Variants in CNTN5 observed in about 807,000 individuals in gnomAD.
CNTN5 encodes contactin 5.
CNTN5 carries 77 observed loss-of-function variants against 129.1 expected under a neutral mutation model. The observed-to-expected ratio is 0.60, with a 90% CI of 0.50 to 0.72. The LOEUF is 0.72. CNTN5 is among the 30% of genes least tolerant of loss of function. The pLI, the probability that CNTN5 is intolerant of heterozygous loss-of-function variation, is 0.00. For synonymous variants in CNTN5, 509 were observed against 465.6 expected (o/e 1.09, Z -1.20); for missense variants, 1,478 against 1,328.8 (o/e 1.11, Z -1.75).
intron 21 of CNTN5, among the ~76,000 whole-genome samples, chr11:100,314,710 T>C (rs1178213567): frequency 6.6e-6 from 1 of 152,126 alleles, no homozygotes; most frequent in Non-Finnish European, 1.5e-5. Flanking sequence ...TTAAGGGCAG[T>C]AAAGGCCTTA....
At chr11:99,277,995 T>C (rs1863522760) in intron 1 of CNTN5, among the ~76,000 whole-genome samples, 1 of 151,726 alleles carries the variant, frequency 6.6e-6, no homozygotes, top group African/African-American at 2.4e-5. Context: ...AGGTATAGAC[T>C]GGAGCACGGG....
intron 1 of CNTN5, among the ~76,000 whole-genome samples, chr11:99,065,523 C>T (rs923879555): frequency 1.3e-5 from 2 of 152,144 alleles, no homozygotes; most frequent in Admixed American, 6.5e-5. Flanking sequence ...CCATCTTTAT[C>T]TGCAATAAAA....
At position 100,336,290 on chromosome 11, in the gene CNTN5, T is replaced by C. The variant is rs1385007411; in HGVS notation, c.2731-4173T>C. ...GGCAGCATTTTAATTAAAGGAGCAA[T>C]ATGAATATTTGCACGGCAGCATTTT... On this transcript the variant is annotated intron_variant, in intron 21 of 24. Coordinates refer to ENST00000524871, the MANE Select transcript of CNTN5 (RefSeq NM_014361.4). Among the ~76,000 whole-genome samples the C allele has an allele frequency of 1.3e-4, 20 of 152,178 alleles. 1 individual carries two copies. Among genetic ancestry groups the C allele is most frequent in the Admixed American group, 7.2e-4 (11 of 15,262 alleles).
chr11:100,247,960 T>C (rs971267657), intron 16 of CNTN5, among the ~76,000 whole-genome samples: 1 of 152,108 alleles, frequency 6.6e-6, no homozygotes, highest in African/African-American at 2.4e-5. Flanking sequence ...ATTAATCTAA[T>C]CTTCCAGACA....
At chr11:99,945,641 T>A (rs1950539411) in intron 7 of CNTN5, among the ~76,000 whole-genome samples, 1 of 152,058 alleles carries the variant, frequency 6.6e-6, no homozygotes, top group Non-Finnish European at 1.5e-5. Context: ...TTATTATCAT[T>A]TCATAGATGA....
chr11:100,338,832 C>T (rs1261548045), intron 21 of CNTN5, among the ~76,000 whole-genome samples: 1 of 151,730 alleles, frequency 6.6e-6, no homozygotes, highest in Non-Finnish European at 1.5e-5. Context: ...GGAATGTTAA[C>T]AGTGCTCTCT....
At chr11:100,248,188 CA>C (rs781185170) in intron 16 of CNTN5, among the ~76,000 whole-genome samples, 5 of 152,078 alleles carry the variant, frequency 3.3e-5, no homozygotes, top group Non-Finnish European at 7.4e-5. Flanking sequence ...TGATTTAAAA[CA>C]AAGACCTGTT....
At chr11:99,373,384 A>G (rs1284266429) in intron 2 of CNTN5, among the ~76,000 whole-genome samples, 1 of 151,936 alleles carries the variant, frequency 6.6e-6, no homozygotes. Flanking sequence ...CCCATATCCT[A>G]TGCTCCATCT....
At chr11:99,930,248 A>T (rs1353201981) in intron 7 of CNTN5, among the ~76,000 whole-genome samples, 1 of 152,140 alleles carries the variant, frequency 6.6e-6, no homozygotes, top group Non-Finnish European at 1.5e-5. Context: ...CTTACTGCAT[A>T]TGCCTGAATA....
chr11:100,149,556 T>C (rs1032385770), intron 13 of CNTN5, among the ~76,000 whole-genome samples: 2 of 152,164 alleles, frequency 1.3e-5, no homozygotes, highest in Admixed American at 6.5e-5. Flanking sequence ...AAATAAAATA[T>C]ACATTTGGGT....
At chr11:100,046,546 A>G (rs1942686692) in intron 9 of CNTN5, among the ~76,000 whole-genome samples, 1 of 151,938 alleles carries the variant, frequency 6.6e-6, no homozygotes, top group Non-Finnish European at 1.5e-5. Context: ...TTTTTTCTTC[A>G]ATCTTTGTTT....
rs191851746 is a variant in CNTN5, at chr11:99,467,668, T to C, written c.-70-88477T>C. Reference sequence around the variant, plus strand: ...GCCCCACAACACTATCTTAACTTTATGCTTTTTCTGCAGGATTGGGCAGGC... The same window carrying C: ...GCCCCACAACACTATCTTAACTTTACGCTTTTTCTGCAGGATTGGGCAGGC... On this transcript the variant is annotated intron_variant, in intron 2 of 24. Coordinates refer to ENST00000524871, the MANE Select transcript of CNTN5 (RefSeq NM_014361.4). Among the ~76,000 whole-genome samples the C allele has an allele frequency of 4.6e-5, 7 of 152,310 alleles. No homozygotes were observed. In the East Asian group the frequency reaches 9.6e-4, roughly 21 times the overall value.
chr11:100,275,838 C>G (rs770227197), intron 18 of CNTN5, among the ~76,000 whole-genome samples: 10 of 152,162 alleles, frequency 6.6e-5, no homozygotes, highest in South Asian at 2.1e-4. Flanking sequence ...TACTGTGGTA[C>G]TACATAGGGT....
intron 13 of CNTN5, among the ~76,000 whole-genome samples, chr11:100,080,265 T>C (rs768362227): frequency 1.3e-5 from 2 of 152,024 alleles, no homozygotes; most frequent in Non-Finnish European, 2.9e-5. Flanking sequence ...ACAAAAAAAA[T>C]AAAATTATCC....
At chr11:99,399,875 T>C (rs951088598) in intron 2 of CNTN5, among the ~76,000 whole-genome samples, 3 of 151,952 alleles carry the variant, frequency 2.0e-5, no homozygotes, top group African/African-American at 7.2e-5. Context: ...TTTTTGTGGG[T>C]ACATAGAAGG....
At chr11:99,179,822 T>C (rs1857957324) in intron 1 of CNTN5, among the ~76,000 whole-genome samples, 2 of 152,210 alleles carry the variant, frequency 1.3e-5, no homozygotes, top group African/African-American at 2.4e-5. Flanking sequence ...GATGGTAGTT[T>C]GTGTGTGTTC....
At chr11:99,372,690 A>G (rs549706091) in intron 2 of CNTN5, among the ~76,000 whole-genome samples, 1 of 152,180 alleles carries the variant, frequency 6.6e-6, no homozygotes, top group Non-Finnish European at 1.5e-5. Flanking sequence ...TCTTTATTAT[A>G]TATCTTGTGA....
chr11:99,722,863 G>A (rs1040494098), intron 3 of CNTN5, among the ~76,000 whole-genome samples: 1 of 151,864 alleles, frequency 6.6e-6, no homozygotes, highest in African/African-American at 2.4e-5. Context: ...TATACATAAT[G>A]TATACCTCAA....
At chr11:99,926,047 C>G (rs762098578) in intron 7 of CNTN5, among the ~76,000 whole-genome samples, 2 of 152,146 alleles carry the variant, frequency 1.3e-5, no homozygotes, top group African/African-American at 2.4e-5. Context: ...AAAGCTACCT[C>G]ACAGCATTGT....
Sources: allele counts gnomAD v4.1 joint callset (sites outside exome capture counted in the v4.1 genomes callset), GRCh38; gene constraint gnomAD v4.1.1; transcripts MANE v1.5; gene names NCBI Gene and HGNC (gene_info 2026-07-23, HGNC 2026-07-21).